NAV2: variants seen among roughly 807,000 people sequenced by gnomAD.
The protein encoded by NAV2 is helicase, APC down-regulated 1.
NAV2 carries 54 observed loss-of-function variants against 223.2 expected under a neutral mutation model. That is an observed-to-expected ratio of 0.24 (90% confidence interval 0.19 to 0.30). The LOEUF (loss-of-function observed/expected upper bound fraction) is 0.30. Among genes scored for constraint, NAV2 ranks in the 10% least tolerant of loss-of-function variants. The probability of loss-of-function intolerance (pLI) is 1.00; values close to 1 mark genes in which losing one functional copy is unlikely to be tolerated. For missense variants in NAV2, 2,806 were observed against 3,147.5 expected (o/e 0.89, Z 2.60); for synonymous variants, 1,279 against 1,239.3 (o/e 1.03, Z -0.67).
chr11:19,347,217 C>G (rs976937921), upstream of NAV2, among the ~76,000 whole-genome samples: 2 of 152,156 alleles, frequency 1.3e-5, no homozygotes, highest in East Asian at 3.9e-4. Context: ...GTAAGTTATA[C>G]CTAAGAAGGC....
In NAV2 at chr11:19,949,017, C is replaced by T; in HGVS notation, c.2582C>T (p.Pro861Leu). 1 of 1,613,820 alleles carries T rather than the reference C, an allele frequency of 6.2e-7. No individual in the cohort carries two copies. The highest frequency in any genetic ancestry group is 1.1e-5 in the South Asian group (1 of 91,060). Residue 861 changes from proline (P) to leucine (L), a missense_variant, in exon 10 of 38, where the codon CCC (proline) becomes CTC (leucine). This residue lies in a region of NAV2 where 1,167 missense variants were observed against 1,180.5 expected (regional missense o/e 0.99). Transcript: ENST00000349880. ...MDLEGISMDA[P>L]GYMSDGDVLS... ...CTGGAAGGCATCAGCATGGATGCCC[C>T]CGGCTACATGAGCGACGGGGATGTT...
chr11:19,628,305 A>G (rs946497781), intron 1 of NAV2, among the ~76,000 whole-genome samples: 1 of 152,212 alleles, frequency 6.6e-6, no homozygotes, highest in Non-Finnish European at 1.5e-5. Context: ...CTCTGGGGCA[A>G]GCACACCCAG....
chr11:19,686,608 G>A (rs2049032116), intron 1 of NAV2, among the ~76,000 whole-genome samples: 2 of 152,160 alleles, frequency 1.3e-5, no homozygotes, highest in Non-Finnish European at 2.9e-5. Flanking sequence ...CACATTGTCT[G>A]GTGCTTGGAT....
chr11:19,949,115 A>G (rs1334664809), intron 10 of NAV2, 35 bp downstream of exon 10: 1 of 1,542,886 alleles, frequency 6.5e-7, no homozygotes, highest in African/African-American at 1.4e-5. Context: ...TCCCAGAGAG[A>G]AAGAGGGCTT....
chr11:19,893,649 T>C (rs1162585968), intron 6 of NAV2, among the ~76,000 whole-genome samples: 21 of 152,186 alleles, frequency 1.4e-4, no homozygotes, highest in Non-Finnish European at 1.5e-5. Context: ...AGGAAATGTA[T>C]ACAGGGCTGA....
At chr11:19,612,319 G>A (rs2046668525) in intron 1 of NAV2, among the ~76,000 whole-genome samples, 1 of 152,224 alleles carries the variant, frequency 6.6e-6, no homozygotes, top group South Asian at 2.1e-4. Context: ...CCATGGTCTT[G>A]GGGATTAACA....
intron 6 of NAV2, among the ~76,000 whole-genome samples, chr11:19,900,112 A>G (rs891680498): frequency 6.6e-6 from 1 of 152,204 alleles, no homozygotes; most frequent in African/African-American, 2.4e-5. Context: ...TAGAAAGCCA[A>G]CCTAGAGGTG....
intron 1 of NAV2, among the ~76,000 whole-genome samples, chr11:19,520,276 G>A (rs2043605121): frequency 6.6e-6 from 1 of 152,232 alleles, no homozygotes; most frequent in Non-Finnish European, 1.5e-5. Context: ...GCTGACACCA[G>A]CTCATTTTCA....
At chr11:19,856,660 A>G (rs1378069737) in intron 3 of NAV2, among the ~76,000 whole-genome samples, 1 of 152,224 alleles carries the variant, frequency 6.6e-6, no homozygotes, top group East Asian at 1.9e-4. Flanking sequence ...TAGAGTGGAA[A>G]CAATGGTGAT....
At chr11:20,102,432 C>T (rs1831502978) in intron 32 of NAV2, among the ~76,000 whole-genome samples, 1 of 152,074 alleles carries the variant, frequency 6.6e-6, no homozygotes, top group Non-Finnish European at 1.5e-5. Flanking sequence ...CGCTGCTTAC[C>T]CGCTGTGCAC....
chr11:19,905,713 C>T (rs556732503), intron 6 of NAV2, among the ~76,000 whole-genome samples: 2 of 152,254 alleles, frequency 1.3e-5, no homozygotes, highest in East Asian at 3.9e-4. Context: ...AGGGACTTTT[C>T]CATATAGGAC....
At chr11:20,055,649 G>A (rs2153611962) in intron 18 of NAV2, 120 bp from the exon 19 acceptor site, 2 of 852,802 alleles carry the variant, frequency 2.3e-6, no homozygotes, top group East Asian at 2.5e-5. Flanking sequence ...GAAAACAGAT[G>A]GGAGAAGAGT....
At chr11:19,518,657 T>C (rs533675601) in intron 1 of NAV2, 1 of 152,360 alleles carries the variant, frequency 6.6e-6, no homozygotes, top group East Asian at 1.9e-4. Context: ...CATTTATTAG[T>C]TGTTTAACAT....
At chr11:19,777,952 G>C in intron 1 of NAV2, 1 of 455,772 alleles carries the variant, frequency 2.2e-6, no homozygotes, top group South Asian at 1.5e-5. Context: ...ACTGCGGTTT[G>C]GCTTGTCTGT....
At chr11:19,348,745 A>G (rs895137208), upstream of NAV2, among the ~76,000 whole-genome samples, 4 of 152,116 alleles carry the variant, frequency 2.6e-5, no homozygotes, top group African/African-American at 4.8e-5. Context: ...GATCTTTCCA[A>G]TTTTGTGTGG....
chr11:20,036,040 C>A lies in NAV2; in HGVS notation c.2850C>A (p.Ser950=). 1 of 1,614,228 alleles carries A rather than the reference C, an allele frequency of 6.2e-7. No individual in the cohort carries two copies. Among genetic ancestry groups the A allele is most frequent in the Non-Finnish European group, 8.5e-7 (1 of 1,180,034 alleles). ...GCACTGATGACATCAACACCAGCTCCTCCATCAGCTCTTATGCCAACACAC... is the reference window on the plus strand; with the variant it reads ...GCACTGATGACATCAACACCAGCTCATCCATCAGCTCTTATGCCAACACAC... ...NLSTDDINTS[S]SISSYANTPA... is the part of the protein sequence containing the mutation. Residue 950 remains serine, a synonymous_variant, in exon 12 of 38, where the codon TCC becomes TCA. Coordinates refer to ENST00000349880, the MANE Select transcript of NAV2 (RefSeq NM_145117.5).
intron 1 of NAV2, among the ~76,000 whole-genome samples, chr11:19,447,046 A>G (rs1039560233): frequency 1.3e-5 from 2 of 152,194 alleles, no homozygotes; most frequent in African/African-American, 4.8e-5. Flanking sequence ...AGGGAGTTCT[A>G]TGTATCCCCT....
In NAV2 at chr11:19,870,233, A is replaced by C. The variant is rs558183886; in HGVS notation, c.511+1236A>C. Among the ~76,000 whole-genome samples the C allele has an allele frequency of 2.6e-5, 4 of 152,186 alleles. No individual in the cohort carries two copies. In the South Asian group the frequency reaches 8.3e-4, roughly 32 times the overall value. ...GGGGATAAGATCAGGGCTGGCTGACATGTGGAATATGCTTTGCTGGGGGGC... is the reference window on the plus strand; with the variant it reads ...GGGGATAAGATCAGGGCTGGCTGACCTGTGGAATATGCTTTGCTGGGGGGC... On this transcript the variant is annotated intron_variant, in intron 4 of 37. Coordinates refer to ENST00000349880, the MANE Select transcript of NAV2 (RefSeq NM_145117.5).
At chr11:19,353,047 C>T (rs955721213) in intron 1 of NAV2, among the ~76,000 whole-genome samples, 7 of 152,122 alleles carry the variant, frequency 4.6e-5, no homozygotes, top group Non-Finnish European at 8.8e-5. Context: ...TCATATACCT[C>T]GGGTGAACTG....
Sources: gnomAD v4.1 joint callset for allele counts (sites outside exome capture counted in the v4.1 genomes callset) on GRCh38, gnomAD v4.1.1 for gene constraint, gnomAD v4.1.1 regional missense constraint, MANE v1.5 for transcripts, NCBI Gene and HGNC (gene_info 2026-07-23, HGNC 2026-07-21) for gene names.